Variants in BRINP1 observed in about 807,000 individuals in gnomAD.
BRINP1 encodes BMP/retinoic acid inducible neural specific 1.
A neutral mutation model predicts 72.9 loss-of-function variants in BRINP1; 17 were observed. The ratio of observed to expected loss-of-function variants is 0.23; its 90% CI spans 0.16 to 0.35. BRINP1 has a LOEUF of 0.35. Among genes scored for constraint, BRINP1 ranks in the 10% least tolerant of loss-of-function variants. BRINP1 has a pLI of 1.00. For missense variants in BRINP1, 850 were observed against 1,001.6 expected, an observed-to-expected ratio of 0.85 and a Z score of 2.04; for synonymous variants, 418 against 378.5, an observed-to-expected ratio of 1.10 and a Z score of -1.21.
intron 1 of BRINP1, among the ~76,000 whole-genome samples, chr9:119,344,994 A>T (rs1011595194): frequency 1.1e-4 from 16 of 152,226 alleles, no homozygotes; most frequent in African/African-American, 1.4e-4. Context: ...CATTGTTGAC[A>T]AACTTCTGAA....
intron 2 of BRINP1, among the ~76,000 whole-genome samples, chr9:119,295,737 C>T (rs1830869791): frequency 6.6e-6 from 1 of 152,048 alleles, no homozygotes. Context: ...TAAACCTGGG[C>T]ATGTATTGTC....
At position 119,313,128 on chromosome 9, in the gene BRINP1, C is replaced by G. The variant is rs1226341065; in HGVS notation, c.218+10G>C. On this transcript the variant is annotated intron_variant, in intron 2 of 7. Transcript: ENST00000265922. ...AATGTAAGGCAAGGGCTATTTAGCC[C>G]AGGTCTTACCTGTATATTTTATATC... The G allele has an allele frequency of 2.5e-6, 4 of 1,612,592 alleles. No individual in the cohort carries two copies. Among genetic ancestry groups the G allele is most frequent in the Non-Finnish European group, 8.5e-7 (1 of 1,179,640 alleles).
chr9:119,332,563 T>G (rs1329588844), intron 1 of BRINP1, among the ~76,000 whole-genome samples: 3 of 152,202 alleles, frequency 2.0e-5, no homozygotes, highest in Non-Finnish European at 4.4e-5. Flanking sequence ...GGTGTGTCAG[T>G]TCTGAGCCTG....
intron 7 of BRINP1, among the ~76,000 whole-genome samples, chr9:119,180,257 G>GA (rs1000761683): frequency 3.3e-5 from 5 of 152,064 alleles, no homozygotes; most frequent in East Asian, 1.9e-4. Context: ...AGAGGAAATG[G>GA]AAAAAAATGA....
intron 1 of BRINP1, among the ~76,000 whole-genome samples, chr9:119,352,496 C>A (rs954272425): frequency 6.6e-6 from 1 of 152,056 alleles, no homozygotes; most frequent in African/African-American, 2.4e-5. Context: ...TGCAGTGGTG[C>A]GATCTCAGCT....
intron 7 of BRINP1, among the ~76,000 whole-genome samples, chr9:119,204,315 T>C (rs1296271641): frequency 6.6e-6 from 1 of 152,178 alleles, no homozygotes; most frequent in Non-Finnish European, 1.5e-5. Context: ...TTGGGGTGAA[T>C]TGTTTTACAC....
chr9:119,364,266 A>G (rs969087855), intron 1 of BRINP1, among the ~76,000 whole-genome samples: 1 of 152,194 alleles, frequency 6.6e-6, no homozygotes, highest in Non-Finnish European at 1.5e-5. Flanking sequence ...TATGGATAGA[A>G]GGATGATTTA....
At chr9:119,236,830 C>T (rs1830196890) in intron 5 of BRINP1, among the ~76,000 whole-genome samples, 1 of 152,136 alleles carries the variant, frequency 6.6e-6, no homozygotes, top group Non-Finnish European at 1.5e-5. Context: ...TTTCTGTCTA[C>T]TCTTTTTTCT....
At chr9:119,286,545 C>G (rs574042642) in intron 2 of BRINP1, among the ~76,000 whole-genome samples, 2 of 152,306 alleles carry the variant, frequency 1.3e-5, no homozygotes, top group South Asian at 4.1e-4. Context: ...TCGCCATCAT[C>G]ATTTTTAACA....
chr9:119,342,902 G>A (rs1024681682), intron 1 of BRINP1, among the ~76,000 whole-genome samples: 3 of 152,090 alleles, frequency 2.0e-5, no homozygotes, highest in African/African-American at 7.2e-5. Context: ...CAAATCCTAG[G>A]TGTTCTATTA....
At chr9:119,169,895 T>C (rs1283274887) in intron 7 of BRINP1, among the ~76,000 whole-genome samples, 7 of 151,990 alleles carry the variant, frequency 4.6e-5, no homozygotes, top group East Asian at 1.9e-4. Flanking sequence ...AGGCAGGGTA[T>C]TCCAACAGAC....
intron 4 of BRINP1, among the ~76,000 whole-genome samples, chr9:119,240,868 T>C (rs1830240724): frequency 6.6e-6 from 1 of 152,170 alleles, no homozygotes; most frequent in Non-Finnish European, 1.5e-5. Flanking sequence ...AGTCTTAATA[T>C]AAGGCTAGGT....
intron 7 of BRINP1, among the ~76,000 whole-genome samples, chr9:119,181,782 G>A (rs542541087): frequency 4.0e-4 from 61 of 151,778 alleles, no homozygotes; most frequent in Non-Finnish European, 7.7e-4. Flanking sequence ...CATGAGCTTT[G>A]GAATCCAAAA....
intron 2 of BRINP1, among the ~76,000 whole-genome samples, chr9:119,278,768 G>A (rs1481486965): frequency 1.3e-5 from 2 of 152,042 alleles, no homozygotes; most frequent in Admixed American, 1.3e-4. Flanking sequence ...CGTGCCTGTA[G>A]TCTCAGCTAC....
At chr9:119,224,141 C>T (rs993938681) in intron 5 of BRINP1, among the ~76,000 whole-genome samples, 2 of 151,984 alleles carry the variant, frequency 1.3e-5, no homozygotes, top group African/African-American at 4.8e-5. Context: ...GTGAATATGA[C>T]ATGGTTTATG....
chr9:119,358,181 AG>A (rs2119039529), intron 1 of BRINP1, among the ~76,000 whole-genome samples: 1 of 152,294 alleles, frequency 6.6e-6, no homozygotes, highest in African/African-American at 2.4e-5. Flanking sequence ...AAGGATGAAG[AG>A]GGGAATCATA....
At chr9:119,289,000 A>G (rs1387424893) in intron 2 of BRINP1, among the ~76,000 whole-genome samples, 1 of 152,172 alleles carries the variant, frequency 6.6e-6, no homozygotes, top group African/African-American at 2.4e-5. Flanking sequence ...GGGTTTCACC[A>G]TGTTGGTCAG....
intron 5 of BRINP1, among the ~76,000 whole-genome samples, chr9:119,234,398 T>C (rs1256820303): frequency 6.6e-6 from 1 of 152,118 alleles, no homozygotes; most frequent in African/African-American, 2.4e-5. Flanking sequence ...TTATTTGGCA[T>C]TTTGACACTC....
chr9:119,237,235 C>A (rs2118906183), intron 5 of BRINP1, among the ~76,000 whole-genome samples: 1 of 152,078 alleles, frequency 6.6e-6, no homozygotes, highest in African/African-American at 2.4e-5. Flanking sequence ...AAAGTTAATA[C>A]ATGATCATTG....
Sources: allele counts gnomAD v4.1 joint callset (sites outside exome capture counted in the v4.1 genomes callset), GRCh38; gene constraint gnomAD v4.1.1; transcripts MANE v1.5; gene names NCBI Gene and HGNC (gene_info 2026-07-23, HGNC 2026-07-21).